The following HDAC9 variants were observed in gnomAD, a reference collection of about 807,000 sequenced individuals.
The protein encoded by HDAC9 is MEF-2 interacting transcription repressor (MITR) protein.
A neutral mutation model predicts 139.4 loss-of-function variants in HDAC9; 41 were observed. The observed-to-expected ratio is 0.29, with a 90% CI of 0.23 to 0.38. HDAC9 has a LOEUF of 0.38. HDAC9 is among the 10% of genes least tolerant of loss of function. HDAC9 has a pLI of 1.00. For synonymous variants in HDAC9, 517 were observed against 476.2 expected (o/e 1.09, Z -1.12); for missense variants, 1,147 against 1,297.0 (o/e 0.88, Z 1.78).
intron 13 of HDAC9, among the ~76,000 whole-genome samples, chr7:18,741,157 G>A (rs1787412771): frequency 6.6e-6 from 1 of 152,230 alleles, no homozygotes; most frequent in Non-Finnish European, 1.5e-5. Context: ...GGTGAAGATG[G>A]CTACACTAAA....
chr7:18,142,194 C>T (rs935349020), intron 1 of HDAC9, among the ~76,000 whole-genome samples: 1 of 152,106 alleles, frequency 6.6e-6, no homozygotes, highest in Non-Finnish European at 1.5e-5. Flanking sequence ...CTGCATTTTC[C>T]GATGCCCCTA....
intron 2 of HDAC9, among the ~76,000 whole-genome samples, chr7:18,163,241 C>T (rs1316269964): frequency 6.6e-6 from 1 of 152,162 alleles, no homozygotes; most frequent in African/African-American, 2.4e-5. Context: ...CCCACATCCC[C>T]AACAGGCCTC....
chr7:18,146,036 C>T (rs555799957), intron 1 of HDAC9, among the ~76,000 whole-genome samples: 49 of 152,064 alleles, frequency 3.2e-4, no homozygotes, highest in Non-Finnish European at 4.4e-4. Flanking sequence ...AGTCTTCATG[C>T]TGATTGGTTG....
upstream of HDAC9, among the ~76,000 whole-genome samples, chr7:18,288,721 A>G (rs1272343061): frequency 6.6e-6 from 1 of 152,220 alleles, no homozygotes; most frequent in Admixed American, 6.5e-5. Context: ...GAGCAGCTTA[A>G]TGCTCTAGGT....
At chr7:18,981,038 A>G (rs1435898240) in intron 25 of HDAC9, among the ~76,000 whole-genome samples, 1 of 151,814 alleles carries the variant, frequency 6.6e-6, no homozygotes, top group Non-Finnish European at 1.5e-5. Context: ...TGTTAGTCAG[A>G]TGGTCTCAAT....
intron 2 of HDAC9, among the ~76,000 whole-genome samples, chr7:18,248,549 A>T (rs1265725080): frequency 6.6e-6 from 1 of 152,224 alleles, no homozygotes; most frequent in Admixed American, 6.5e-5. Flanking sequence ...CTCTTCAGGC[A>T]CATTGGTTCA....
intron 1 of HDAC9, among the ~76,000 whole-genome samples, chr7:18,323,327 A>G (rs1289603079): frequency 2.6e-5 from 4 of 152,156 alleles, no homozygotes; most frequent in African/African-American, 2.4e-5. Flanking sequence ...CTGTCAGATT[A>G]TTACAGTAGC....
intron 1 of HDAC9, among the ~76,000 whole-genome samples, chr7:18,488,586 T>A (rs1796140327): frequency 6.6e-6 from 1 of 151,966 alleles, no homozygotes. Flanking sequence ...TCAGTGAAAT[T>A]CATGAGTTAA....
At chr7:18,288,282 A>G, upstream of HDAC9, among the ~76,000 whole-genome samples, 1 of 152,344 alleles carries the variant, frequency 6.6e-6, no homozygotes, top group East Asian at 1.9e-4. Context: ...ATGAGAGAAT[A>G]TTAATTCTTC....
At position 18,671,904 on chromosome 7, in the gene HDAC9, T is replaced by C. The variant is rs547698692; in HGVS notation, c.1731+5428T>C. ...CACAGCATCAGTACTTCATTCCTTC[T>C]TATGGCTGAGTAATATTCCCTTGTA... On this transcript the variant is annotated intron_variant, in intron 12 of 25. Coordinates refer to ENST00000686413, the MANE Select transcript of HDAC9 (RefSeq NM_178425.4). Among the ~76,000 whole-genome samples the C allele has an allele frequency of 2.6e-5, 4 of 152,210 alleles. No individual in the cohort carries two copies. In the East Asian group the frequency reaches 7.8e-4, roughly 30 times the overall value.
chr7:18,326,080 T>G lies in HDAC9; in HGVS notation c.-42+35565T>G, dbSNP rs185821662. ...TGATACACGTGTGTAAAATTATCACTTTTCAGGTGATACATTAGACCAATG... is the reference window on the plus strand; with the variant it reads ...TGATACACGTGTGTAAAATTATCACGTTTCAGGTGATACATTAGACCAATG... On this transcript the variant is annotated intron_variant, in intron 1 of 3. Transcript: ENST00000413509. Among the ~76,000 whole-genome samples, 591 of 152,238 alleles carry G rather than the reference T, an allele frequency of 3.9e-3. 3 individuals carry two copies. Among genetic ancestry groups the G allele is most frequent in the African/African-American group, 0.014 (568 of 41,558 alleles).
At chr7:18,098,622 G>A (rs1782658770) in intron 1 of HDAC9, among the ~76,000 whole-genome samples, 1 of 152,084 alleles carries the variant, frequency 6.6e-6, no homozygotes, top group Admixed American at 6.6e-5. Flanking sequence ...ATACTTTATG[G>A]ATGAGTTAAC....
intron 1 of HDAC9, among the ~76,000 whole-genome samples, chr7:18,356,357 G>GGTT (rs1783274331): frequency 3.7e-5 from 1 of 27,326 alleles, no homozygotes; most frequent in Admixed American, 5.5e-4. Flanking sequence ...GCAGCACATA[G>GGTT]GTTTTTTTTT....
chr7:18,106,171 A>T (rs190920463), intron 1 of HDAC9, among the ~76,000 whole-genome samples: 31 of 152,322 alleles, frequency 2.0e-4, no homozygotes, highest in African/African-American at 7.5e-4. Context: ...TATAATAAAA[A>T]TCACTGAATT....
intron 1 of HDAC9, among the ~76,000 whole-genome samples, chr7:18,328,698 C>G (rs646414): frequency 0.82 from 124,508 of 151,780 alleles, 51,403 homozygotes; most frequent in Non-Finnish European, 0.88. Context: ...ATTCAGTTTG[C>G]TAGTATTTTG....
intron 1 of HDAC9, among the ~76,000 whole-genome samples, chr7:18,137,844 C>A: frequency 6.6e-6 from 1 of 152,150 alleles, no homozygotes; most frequent in Admixed American, 6.5e-5. Context: ...AGGATTCCCT[C>A]TTTTTCTATT....
At chr7:18,272,959 C>G (rs1796457971) in intron 2 of HDAC9, among the ~76,000 whole-genome samples, 2 of 143,246 alleles carry the variant, frequency 1.4e-5, no homozygotes, top group East Asian at 2.1e-4. Flanking sequence ...ACTACTACTA[C>G]TACTACTATT....
chr7:18,616,833 C>T (rs1726604), intron 6 of HDAC9, among the ~76,000 whole-genome samples: 78 of 152,204 alleles, frequency 5.1e-4, no homozygotes, highest in Middle Eastern at 3.4e-3. Flanking sequence ...TCCATGGTAC[C>T]TGAATGTATC....
chr7:18,755,826 G>T (rs1239666176), intron 14 of HDAC9, among the ~76,000 whole-genome samples: 3 of 152,114 alleles, frequency 2.0e-5, no homozygotes, highest in African/African-American at 4.8e-5. Flanking sequence ...TTTAAAATAA[G>T]TCGTAGTGAC....
Sources: gnomAD v4.1 joint callset for allele counts (sites outside exome capture counted in the v4.1 genomes callset) on GRCh38, gnomAD v4.1.1 for gene constraint, MANE v1.5 for transcripts, NCBI Gene and HGNC (gene_info 2026-07-23, HGNC 2026-07-21) for gene names.